Variants in TEX11 observed in about 807,000 individuals in gnomAD.
TEX11 encodes testis-expressed protein 11.
A neutral mutation model predicts 84.4 loss-of-function variants in TEX11; 7 were observed. The observed-to-expected ratio is 0.08, with a 90% CI of 0.05 to 0.16. The LOEUF (loss-of-function observed/expected upper bound fraction) is 0.16, where lower values mean the gene tolerates loss of function less well. Ranked by LOEUF, TEX11 falls within the 10% of genes least tolerant of loss-of-function variation. TEX11 has a pLI of 1.00. For synonymous variants in TEX11, 264 were observed against 222.8 expected (o/e 1.18, Z -1.64); for missense variants, 551 against 660.5 (o/e 0.83, Z 1.82).
rs1264780647 is a variant in TEX11, at chrX:70,708,059, A to G, written c.1004+14559T>C. Among the ~76,000 whole-genome samples the G allele has an allele frequency of 2.7e-5, 3 of 111,080 alleles. No individual in the cohort carries two copies. In the Admixed American group the frequency reaches 2.9e-4, roughly 11 times the overall value. On this transcript the variant is annotated intron_variant, in intron 13 of 29. Transcript: ENST00000374333. Reference sequence around the variant, plus strand: ...ATCTATAAGGAACTTTAAAAAAATCAACAAGCTTGTCAGAAAGGTGATTTT... The same window carrying G: ...ATCTATAAGGAACTTTAAAAAAATCGACAAGCTTGTCAGAAAGGTGATTTT...
intron 29 of TEX11, among the ~76,000 whole-genome samples, chrX:70,529,631 G>T (rs963352082): frequency 9.0e-6 from 1 of 111,699 alleles, no homozygotes; most frequent in African/African-American, 3.3e-5. Context: ...ATTTCCCCCT[G>T]TTCTCTGTCC....
chrX:70,750,928 AAAAAAATATATATATATATATATATAT>A (rs1349020369), intron 9 of TEX11, among the ~76,000 whole-genome samples: 1 of 37,118 alleles, frequency 2.7e-5, no homozygotes, highest in African/African-American at 1.3e-4. Context: ...TAATAAAAAA[AAAAAAATATATATATATATATATATAT>A]ATATATATAT....
intron 8 of TEX11, among the ~76,000 whole-genome samples, chrX:70,824,484 C>T (rs983500828): frequency 4.5e-5 from 5 of 111,563 alleles, no homozygotes; most frequent in Non-Finnish European, 9.4e-5. Flanking sequence ...AGAGGAAAAC[C>T]TTACTGTCCA....
chrX:70,838,586 T>G (rs1193878099), intron 7 of TEX11, among the ~76,000 whole-genome samples: 1 of 112,199 alleles, frequency 8.9e-6, no homozygotes, highest in Non-Finnish European at 1.9e-5. Flanking sequence ...ATTTCTGCAT[T>G]TCCAACTGAG....
intron 24 of TEX11, among the ~76,000 whole-genome samples, chrX:70,601,476 C>G (rs1046179075): frequency 2.0e-5 from 2 of 99,832 alleles, no homozygotes; most frequent in African/African-American, 7.3e-5. Flanking sequence ...TGAAACTATT[C>G]CAATCAATAG....
intron 2 of TEX11, among the ~76,000 whole-genome samples, chrX:70,907,414 T>A (rs1395206801): frequency 9.0e-6 from 1 of 110,961 alleles, no homozygotes; most frequent in African/African-American, 3.3e-5. Context: ...TAGATTTTTT[T>A]TTTTTTTTTT....
intron 13 of TEX11, among the ~76,000 whole-genome samples, chrX:70,719,850 C>T (rs1243371245): frequency 9.0e-6 from 1 of 111,074 alleles, no homozygotes; most frequent in Non-Finnish European, 1.9e-5. Context: ...GAATGGCGAT[C>T]ATTAAAAAGT....
intron 7 of TEX11, among the ~76,000 whole-genome samples, chrX:70,839,188 GCCT>G (rs1379361399): frequency 9.1e-6 from 1 of 110,146 alleles, no homozygotes; most frequent in Non-Finnish European, 1.9e-5. Flanking sequence ...CGGGCAGACT[GCCT>G]CCTCAAGTGG....
At chrX:70,811,415 C>T (rs375241864) in intron 8 of TEX11, among the ~76,000 whole-genome samples, 191 of 111,887 alleles carry the variant, frequency 1.7e-3, no homozygotes, top group South Asian at 0.015. Flanking sequence ...TTTCTTAATC[C>T]AGACTATCAC....
chrX:70,770,657 T>A (rs1569435830), intron 9 of TEX11, among the ~76,000 whole-genome samples: 1 of 111,593 alleles, frequency 9.0e-6, no homozygotes, highest in African/African-American at 3.2e-5. Context: ...ACAAAGTATA[T>A]AAATATATTA....
At position 70,792,355 on chromosome X, in the gene TEX11, TATACACAC is replaced by T. The variant is rs2091129113; in HGVS notation, c.692+14342_692+14349del. On this transcript the variant is annotated intron_variant, in intron 9 of 29. Transcript: ENST00000374333. Reference sequence around the variant, plus strand: ...ATATATATATATATATATATATATATATACACACACAAATATATATCTGGGATGCAGCA... The same window carrying T: ...ATATATATATATATATATATATATATACAAATATATATCTGGGATGCAGCA... Among the ~76,000 whole-genome samples, 4 of 9,439 alleles carry T rather than the reference TATACACAC, an allele frequency of 4.2e-4. 1 individual carries two copies. The Admixed American group carries it at 0.012, about 28-fold the overall frequency. The allele number at this position is 9,439 out of a possible 115,157, so 8.2% of individuals were successfully genotyped here.
At chrX:70,846,622 T>C (rs1025547362) in intron 7 of TEX11, among the ~76,000 whole-genome samples, 1 of 111,913 alleles carries the variant, frequency 8.9e-6, no homozygotes, top group African/African-American at 3.2e-5. Context: ...CCAAATCTCA[T>C]GTTGAAATGT....
intron 11 of TEX11, among the ~76,000 whole-genome samples, chrX:70,734,945 A>G (rs1287740187): frequency 8.9e-6 from 1 of 112,435 alleles, no homozygotes; most frequent in Non-Finnish European, 1.9e-5. Flanking sequence ...TGCCAATTCT[A>G]TTTAACATAG....
chrX:70,624,019 G>A lies in TEX11; in HGVS notation c.1695-13C>T, dbSNP rs1361593421. On this transcript the variant is annotated splice_polypyrimidine_tract_variant and intron_variant, in intron 19 of 29. Transcript: ENST00000374333. ...ACGAAGCAAACACCTGTATGACAAA[G>A]TAATATGGAAAGTGATTCTTAGGTT... 1 of 1,190,567 alleles carries A rather than the reference G, an allele frequency of 8.4e-7. No homozygotes were observed. Among genetic ancestry groups the A allele is most frequent in the African/African-American group, 1.7e-5 (1 of 57,300 alleles).
intron 5 of TEX11, chrX:70,857,649 C>G: frequency 3.7e-6 from 1 of 268,797 alleles, no homozygotes; most frequent in East Asian, 1.1e-4. Flanking sequence ...AGGACTAGAC[C>G]CAGATCTTCT....
chrX:70,601,952 G>A (rs1269916107), intron 24 of TEX11, among the ~76,000 whole-genome samples: 1 of 110,790 alleles, frequency 9.0e-6, no homozygotes, highest in Non-Finnish European at 1.9e-5. Context: ...ACACAGACCC[G>A]GCAACCATCC....
chrX:70,730,502 CT>C (rs1569422218), intron 11 of TEX11, among the ~76,000 whole-genome samples: 1 of 111,554 alleles, frequency 9.0e-6, no homozygotes, highest in Non-Finnish European at 1.9e-5. Flanking sequence ...GGGTTGCAAT[CT>C]TACTCTCTGA....
intron 13 of TEX11, among the ~76,000 whole-genome samples, chrX:70,718,240 T>C (rs183631064): frequency 2.6e-4 from 29 of 112,383 alleles, no homozygotes; most frequent in African/African-American, 9.0e-4. Flanking sequence ...CTGACATTAG[T>C]AAAATTAATT....
intron 25 of TEX11, among the ~76,000 whole-genome samples, chrX:70,566,758 T>G (rs1231717528): frequency 8.9e-6 from 1 of 111,779 alleles, no homozygotes; most frequent in African/African-American, 3.3e-5. Flanking sequence ...TGAAGCCCAC[T>G]TGATCATGGT....
Sources: gnomAD v4.1 joint callset for allele counts (sites outside exome capture counted in the v4.1 genomes callset) on GRCh38, gnomAD v4.1.1 for gene constraint, MANE v1.5 for transcripts, NCBI Gene and HGNC (gene_info 2026-07-23, HGNC 2026-07-21) for gene names.